Variants in SLC52A2 observed in about 807,000 individuals in gnomAD.
SLC52A2 encodes the protein solute carrier family 52 member 2.
SLC52A2 carries 16 observed loss-of-function variants against 24.8 expected under a neutral mutation model. The observed-to-expected ratio is 0.64, with a 90% confidence interval of 0.44 to 0.98. SLC52A2 has a LOEUF of 0.98. Ranked by LOEUF, SLC52A2 falls within the 50% of genes least tolerant of loss-of-function variation. The pLI is 0.00. For synonymous variants in SLC52A2, 335 were observed against 276.3 expected (o/e 1.21, Z -2.11); for missense variants, 612 against 575.9 (o/e 1.06, Z -0.64).
In SLC52A2 at chr8:144,360,472, TG is replaced by T; in HGVS notation, c.982del (p.Ala328ProfsTer26). 1 of 1,601,578 alleles carries T rather than the reference TG, an allele frequency of 6.2e-7. No homozygotes were observed. ...GSAANPLACF[L>X]AMGVLCRSLA... The stretch of plus-strand genomic sequence containing the variant: ...GCTGCCAATCCCCTGGCCTGCTTCC[TG>T]GCCATGGGTGTGCTGTGCAGGTACA... On this transcript the variant is annotated frameshift_variant, in exon 3 of 5. Transcript: ENST00000643944. LOFTEE classifies it high-confidence loss of function.
At position 144,359,066 on chromosome 8, in the gene SLC52A2, G is replaced by C. The variant is rs551342057; in HGVS notation, c.-111+1G>C. The C allele has an allele frequency of 1.8e-6, 1 of 566,808 alleles. No individual in the cohort carries two copies. The highest frequency in any genetic ancestry group is 3.7e-5 in the Admixed American group (1 of 26,796). The allele number at this position is 566,808 out of a possible 1,614,324, so 35.1% of individuals were successfully genotyped here. On this transcript the variant is annotated splice_donor_variant, in intron 1 of 4. Transcript: ENST00000643944. LOFTEE classifies it low-confidence loss of function (5UTR_SPLICE). ...CCCTGCCTGCCGGCGGTCCCGCTGGGTACGTTTTAGCCAATCCTCCCCATC... is the reference window on the plus strand; with the variant it reads ...CCCTGCCTGCCGGCGGTCCCGCTGGCTACGTTTTAGCCAATCCTCCCCATC...
chr8:144,358,626 G>T lies in SLC52A2; in HGVS notation c.-550G>T. 1.4e-6 allele frequency: 1 copy of T among 724,616 alleles called. No individual in the cohort carries two copies. The highest frequency in any genetic ancestry group is 1.9e-6 in the Non-Finnish European group (1 of 527,754). 44.9% of individuals were successfully genotyped at this position (724,616 alleles called of 1,614,324 possible). A position where few individuals can be genotyped will look rare whatever the true frequency, so the allele number is the denominator to read the frequency against. On this transcript the variant is annotated 5_prime_UTR_variant, in exon 1 of 5. Coordinates refer to ENST00000643944, the MANE Select transcript of SLC52A2 (RefSeq NM_001363118.2). ...ACCGCCACGGGTGAGTCGGGTCGTG[G>T]CTGCTGCCGGGTCCTGCGCGCTCCG... is the stretch of plus-strand genomic sequence containing the variant.
Position 144,360,352 on chromosome 8 carries a change from A to G in SLC52A2, c.860A>G (p.Asn287Ser). Residue 287 changes from asparagine to serine, a missense_variant, in exon 3 of 5, where the codon AAC (asparagine) becomes AGC (serine). Transcript: ENST00000643944. ...ACLLGLLAAT[N>S]ALTNGVLPAV... ...CTGCTGGGCCTGTTGGCCGCCACCA[A>G]CGCGCTGACCAATGGCGTGCTGCCT... The G allele has an allele frequency of 6.2e-7, 1 of 1,608,472 alleles. No individual in the cohort carries two copies. The highest frequency in any genetic ancestry group is 8.5e-7 in the Non-Finnish European group (1 of 1,179,996).
Position 144,361,102 on chromosome 8 carries a change from C to T in SLC52A2, c.*87C>T. 1 of 1,353,586 alleles carries T rather than the reference C, an allele frequency of 7.4e-7. No homozygotes were observed. The highest frequency in any genetic ancestry group is 2.3e-5 in the East Asian group (1 of 43,338). The allele number at this position is 1,353,586 out of a possible 1,614,324, so 83.8% of individuals were successfully genotyped here. ...CCTGAGTGCCTGCAGCCCAGGAGGC[C>T]CGCACACCGGTACACTCGTGGACAC... On this transcript the variant is annotated 3_prime_UTR_variant, in exon 5 of 5. Coordinates refer to ENST00000643944, the MANE Select transcript of SLC52A2 (RefSeq NM_001363118.2).
chr8:144,360,361 C>T lies in SLC52A2; in HGVS notation c.869C>T (p.Thr290Ile), dbSNP rs1818783744. Reference sequence around the variant, plus strand: ...CTGTTGGCCGCCACCAACGCGCTGACCAATGGCGTGCTGCCTGCCGTGCAG... The same window carrying T: ...CTGTTGGCCGCCACCAACGCGCTGATCAATGGCGTGCTGCCTGCCGTGCAG... ...LGLLAATNAL[T>I]NGVLPAVQSF... The change falls in exon 3 of 5, where the codon ACC (threonine) becomes ATC (isoleucine). Residue 290 changes from threonine (T) to isoleucine (I), a missense_variant. Transcript: ENST00000643944. 6.2e-7 allele frequency: 1 copy of T among 1,608,480 alleles called. No homozygotes were observed. The highest frequency in any genetic ancestry group is 8.5e-7 in the Non-Finnish European group (1 of 1,180,008).
In SLC52A2 at chr8:144,360,705, G is replaced by A; in HGVS notation, c.1117G>A (p.Val373Ile). The A allele has an allele frequency of 6.2e-7, 1 of 1,602,006 alleles. No individual in the cohort carries two copies. The highest frequency in any genetic ancestry group is 8.5e-7 in the Non-Finnish European group (1 of 1,176,406). ...PPLVGTSAGV[V>I]LVVLSWVLCL... is the part of the protein sequence containing the mutation. ...CCTGGTGGGCACCTCGGCGGGGGTG[G>A]TCCTCGTGGTGAGCACAGGGGGACA... The change falls in exon 4 of 5, where the codon GTC (valine) becomes ATC (isoleucine). Residue 373 changes from valine to isoleucine, a missense_variant. By Grantham distance (29) the Val-to-Ile change is conservative. Coordinates refer to ENST00000643944, the MANE Select transcript of SLC52A2 (RefSeq NM_001363118.2).
At position 144,360,826 on chromosome 8, in the gene SLC52A2, TGGCGTGTTCTCCTACGTGAA is replaced by T; in HGVS notation, c.1152_1171del (p.Val385GlyfsTer53). 1 of 1,613,250 alleles carries T rather than the reference TGGCGTGTTCTCCTACGTGAA, an allele frequency of 6.2e-7. No individual in the cohort carries two copies. On this transcript the variant is annotated frameshift_variant, in exon 5 of 5. Coordinates refer to ENST00000643944, the MANE Select transcript of SLC52A2 (RefSeq NM_001363118.2). LOFTEE classifies it low-confidence loss of function (END_TRUNC). Reference sequence around the variant, plus strand: ...AGGTGCTGTCGTGGGTGCTGTGTCTTGGCGTGTTCTCCTACGTGAAGGTGGCAGCCAGCTCCCTGCTGCAT... The same window carrying T: ...AGGTGCTGTCGTGGGTGCTGTGTCTTGGTGGCAGCCAGCTCCCTGCTGCAT...
chr8:144,359,567 C>T (rs1818683663), intron 2 of SLC52A2, 56 bp from the exon 3 acceptor site: 4 of 1,602,252 alleles, frequency 2.5e-6, no homozygotes, highest in African/African-American at 2.7e-5. Flanking sequence ...TGGGCTTTGG[C>T]ACTCTTCCTC....
chr8:144,360,831 T>C lies in SLC52A2; in HGVS notation c.1154T>C (p.Val385Ala). The C allele has an allele frequency of 1.9e-6, 3 of 1,613,252 alleles. No individual in the cohort carries two copies. The highest frequency in any genetic ancestry group is 2.2e-5 in the South Asian group (2 of 91,056). The change falls in exon 5 of 5, where the codon GTG becomes GCG. Residue 385 changes from valine (V) to alanine (A), a missense_variant. By Grantham distance (64) the Val-to-Ala change is moderately conservative (BLOSUM62 0). Coordinates refer to ENST00000643944, the MANE Select transcript of SLC52A2 (RefSeq NM_001363118.2). ...VVLSWVLCLG[V>A]FSYVKVAASS... ...CTGTCGTGGGTGCTGTGTCTTGGCG[T>C]GTTCTCCTACGTGAAGGTGGCAGCC...
rs1564654902 is a variant in SLC52A2, at chr8:144,359,821, A to C, written c.329A>C (p.His110Pro). ...GTGGCCCCAGTGGCAGGACAGTTGC[A>C]TTCTGTGGCCTTCTTAGCACTGGCC... The part of the protein sequence containing the change: ...HHVAPVAGQL[H>P]SVAFLALAFV... The change falls in exon 3 of 5, where the codon CAT (histidine) becomes CCT (proline). Residue 110 changes from histidine to proline, a missense_variant. His to Pro is a moderately conservative substitution (Grantham distance 77). Coordinates refer to ENST00000643944, the MANE Select transcript of SLC52A2 (RefSeq NM_001363118.2). The C allele has an allele frequency of 6.2e-7, 1 of 1,613,632 alleles. No individual in the cohort carries two copies. The highest frequency in any genetic ancestry group is 1.1e-5 in the South Asian group (1 of 91,090).
In SLC52A2 at chr8:144,359,797, T is replaced by A; in HGVS notation, c.305T>A (p.Val102Glu). 1 of 1,613,730 alleles carries A rather than the reference T, an allele frequency of 6.2e-7. No homozygotes were observed. The highest frequency in any genetic ancestry group is 8.5e-7 in the Non-Finnish European group (1 of 1,180,008). Residue 102 changes from valine to glutamate, a missense_variant, in exon 3 of 5, where the codon GTG (valine) becomes GAG (glutamate). By Grantham distance (121) the Val-to-Glu change is moderately radical. Transcript: ENST00000643944. ...CTGCTGGCCTCTCTGTGGCACCATG[T>A]GGCCCCAGTGGCAGGACAGTTGCAT... The part of the protein sequence containing the change: ...TALLASLWHH[V>E]APVAGQLHSV...
In SLC52A2 at chr8:144,360,949, C is replaced by A. The variant is rs781848960; in HGVS notation, c.1272C>A (p.Phe424Leu). ...CTCTGCTCGGCGCTGTTGCTATGTT[C>A]CCCCCGACCAGCATCTATCACGTGT... The part of the protein sequence containing the change: ...VGSLLGAVAM[F>L]PPTSIYHVFH... The change falls in exon 5 of 5, where the codon TTC becomes TTA. Residue 424 changes from phenylalanine to leucine, a missense_variant. By Grantham distance (22) the Phe-to-Leu change is conservative. Coordinates refer to ENST00000643944, the MANE Select transcript of SLC52A2 (RefSeq NM_001363118.2). 6 of 1,613,478 alleles carry A rather than the reference C, an allele frequency of 3.7e-6. No individual in the cohort carries two copies. In the South Asian group the frequency reaches 4.4e-5, roughly 12 times the overall value.
In SLC52A2 at chr8:144,359,616, C is replaced by G. The variant is rs782671203; in HGVS notation, c.131-7C>G. The stretch of plus-strand genomic sequence containing the variant: ...GACCCTGACATGGCCTCCTCCCTTC[C>G]CTGCAGGTTGGAGCCTCCCCTCTTA... On this transcript the variant is annotated splice_region_variant and splice_polypyrimidine_tract_variant and intron_variant, in intron 2 of 4. Coordinates refer to ENST00000643944, the MANE Select transcript of SLC52A2 (RefSeq NM_001363118.2). 7.5e-6 allele frequency: 12 copies of G among 1,610,218 alleles called. No homozygotes were observed. The East Asian group carries it at 1.6e-4, about 21-fold the overall frequency.
rs535737457 is a variant in SLC52A2, at chr8:144,358,616, T to C, written c.-560T>C. 1.2e-6 allele frequency: 1 copy of C among 836,372 alleles called. No individual in the cohort carries two copies. The highest frequency in any genetic ancestry group is 1.6e-6 in the Non-Finnish European group (1 of 630,104). The allele number at this position is 836,372 out of a possible 1,614,324, so 51.8% of individuals were successfully genotyped here. A position where few individuals can be genotyped will look rare whatever the true frequency, so the allele number is the denominator to read the frequency against. ...CGGGCCCGGAACCGCCACGGGTGAG[T>C]CGGGTCGTGGCTGCTGCCGGGTCCT... On this transcript the variant is annotated 5_prime_UTR_variant, in exon 1 of 5. Transcript: ENST00000643944.
chr8:144,360,348 A>G lies in SLC52A2; in HGVS notation c.856A>G (p.Thr286Ala), dbSNP rs1554854258. 2 of 1,608,612 alleles carry G rather than the reference A, an allele frequency of 1.2e-6. No individual in the cohort carries two copies. Among genetic ancestry groups the G allele is most frequent in the Middle Eastern group, 1.7e-4 (1 of 6,058 alleles). Residue 286 changes from threonine (T) to alanine (A), a missense_variant, in exon 3 of 5, where the codon ACC (threonine) becomes GCC (alanine). Physicochemically the swap from Thr to Ala is moderately conservative, Grantham distance 58. Transcript: ENST00000643944. ...SACLLGLLAA[T>A]NALTNGVLPA... is the part of the protein sequence containing the mutation. Reference sequence around the variant, plus strand: ...CTGCCTGCTGGGCCTGTTGGCCGCCACCAACGCGCTGACCAATGGCGTGCT... The same window carrying G: ...CTGCCTGCTGGGCCTGTTGGCCGCCGCCAACGCGCTGACCAATGGCGTGCT...
Position 144,360,150 on chromosome 8 carries a change from C to T in SLC52A2, c.658C>T (p.Pro220Ser). 1 of 1,612,920 alleles carries T rather than the reference C, an allele frequency of 6.2e-7. No individual in the cohort carries two copies. The highest frequency in any genetic ancestry group is 1.1e-5 in the South Asian group (1 of 91,088). Reference sequence around the variant, plus strand: ...CCAGGGTCTTCTGCTGCTGTTGCCGCCACCACCATCTGTACCCACAGGGGA... The same window carrying T: ...CCAGGGTCTTCTGCTGCTGTTGCCGTCACCACCATCTGTACCCACAGGGGA... ...AFQGLLLLLPPPPSVPTGELG... is the reference protein window; with the variant it reads ...AFQGLLLLLPSPPSVPTGELG... Residue 220 changes from proline (P) to serine (S), a missense_variant, in exon 3 of 5, where the codon CCA becomes TCA. Pro to Ser is a moderately conservative substitution (Grantham distance 74). Transcript: ENST00000643944.
In SLC52A2 at chr8:144,358,622, C is replaced by T. The variant is rs187464121; in HGVS notation, c.-554C>T. Reference sequence around the variant, plus strand: ...CGGAACCGCCACGGGTGAGTCGGGTCGTGGCTGCTGCCGGGTCCTGCGCGC... The same window carrying T: ...CGGAACCGCCACGGGTGAGTCGGGTTGTGGCTGCTGCCGGGTCCTGCGCGC... On this transcript the variant is annotated 5_prime_UTR_variant, in exon 1 of 5. Transcript: ENST00000643944. 8.8e-4 allele frequency: 670 copies of T among 762,888 alleles called. 4 individuals carry two copies. In the African/African-American group the frequency reaches 9.6e-3, roughly 11 times the overall value. 47.3% of individuals were successfully genotyped at this position (762,888 alleles called of 1,614,324 possible).
rs782702240 is a variant in SLC52A2, at chr8:144,360,356, G to A, written c.864G>A (p.Ala288=). ...TGGGCCTGTTGGCCGCCACCAACGC[G>A]CTGACCAATGGCGTGCTGCCTGCCG... ...CLLGLLAATN[A]LTNGVLPAVQ... The change falls in exon 3 of 5, where the codon GCG becomes GCA. Residue 288 remains alanine, a synonymous_variant. Coordinates refer to ENST00000643944, the MANE Select transcript of SLC52A2 (RefSeq NM_001363118.2). 47 of 1,608,264 alleles carry A rather than the reference G, an allele frequency of 2.9e-5. No individual in the cohort carries two copies. Among genetic ancestry groups the A allele is most frequent in the Admixed American group, 6.7e-5 (4 of 60,016 alleles).
At position 144,360,331 on chromosome 8, in the gene SLC52A2, T is replaced by C. The variant is rs1554854243; in HGVS notation, c.839T>C (p.Leu280Pro). ...QLLSARSACL[L>P]GLLAATNALT... ...CTATCAGCCCGCAGTGCCTGCCTGC[T>C]GGGCCTGTTGGCCGCCACCAACGCG... Residue 280 changes from leucine (L) to proline (P), a missense_variant, in exon 3 of 5, where the codon CTG becomes CCG. By Grantham distance (98) the Leu-to-Pro change is moderately conservative. Coordinates refer to ENST00000643944, the MANE Select transcript of SLC52A2 (RefSeq NM_001363118.2). The C allele has an allele frequency of 1.2e-6, 2 of 1,609,378 alleles. No homozygotes were observed. The highest frequency in any genetic ancestry group is 1.7e-6 in the Non-Finnish European group (2 of 1,180,004).
Sources: allele counts gnomAD v4.1 joint callset, GRCh38; gene constraint gnomAD v4.1.1; transcripts MANE v1.5; gene names NCBI Gene and HGNC (gene_info 2026-07-23, HGNC 2026-07-21).